XPO5: variants seen among roughly 807,000 people sequenced by gnomAD.
XPO5 encodes the protein exportin-5.
A neutral mutation model predicts 160.6 loss-of-function variants in XPO5; 46 were observed. The observed-to-expected ratio is 0.29, with a 90% CI of 0.23 to 0.37. The LOEUF (loss-of-function observed/expected upper bound fraction) is 0.37, where lower values mean the gene tolerates loss of function less well. Ranked by LOEUF, XPO5 falls within the 10% of genes least tolerant of loss-of-function variation. The pLI, the probability that XPO5 is intolerant of heterozygous loss-of-function variation, is 1.00. For missense variants in XPO5, 1,090 were observed against 1,463.9 expected (o/e 0.74, Z 4.17); for synonymous variants, 537 against 519.3 (o/e 1.03, Z -0.46).
chr6:43,529,035 C>T (rs1793777448), intron 23 of XPO5, 110 bp from the exon 24 acceptor site: 6 of 1,155,200 alleles, frequency 5.2e-6, no homozygotes, highest in Non-Finnish European at 7.4e-6. Context: ...TGCCAGATGT[C>T]AAAAATATCC....
chr6:43,569,296 AAAAAAAAAACAAC>A (rs1344351218), intron 5 of XPO5, among the ~76,000 whole-genome samples: 2 of 151,562 alleles, frequency 1.3e-5, no homozygotes, highest in Non-Finnish European at 2.9e-5. Context: ...CCGTCTCAAA[AAAAAAAAAACAAC>A]AAAAAAAAAT....
At chr6:43,568,459 A>C (rs1018246959) in intron 6 of XPO5, among the ~76,000 whole-genome samples, 11 of 151,004 alleles carry the variant, frequency 7.3e-5, no homozygotes, top group Non-Finnish European at 4.4e-5. Context: ...AGAAAGTATT[A>C]GCTGGGCATG....
intron 1 of XPO5, among the ~76,000 whole-genome samples, chr6:43,574,329 T>C (rs1763177483): frequency 6.6e-6 from 1 of 151,916 alleles, no homozygotes; most frequent in Non-Finnish European, 1.5e-5. Context: ...CTAAGCTATA[T>C]GTTTAAAGTT....
intron 5 of XPO5, among the ~76,000 whole-genome samples, chr6:43,569,290 C>T (rs1762861679): frequency 7.5e-6 from 1 of 134,020 alleles, no homozygotes; most frequent in Admixed American, 7.6e-5. Flanking sequence ...GAAACTCCGT[C>T]TCAAAAAAAA....
In XPO5 at chr6:43,538,534, A is replaced by G. The variant is rs142077528; in HGVS notation, c.2343-4527T>C. Among the ~76,000 whole-genome samples, 620 of 152,316 alleles carry G rather than the reference A, an allele frequency of 4.1e-3. 2 individuals carry two copies. The highest frequency in any genetic ancestry group is 6.2e-3 in the Non-Finnish European group (424 of 68,028). ...AAAGGAAAACATTCGGTGATATTTG[A>G]ATACTGATTGTATACTGGATATTGA... On this transcript the variant is annotated intron_variant, in intron 20 of 31. Coordinates refer to ENST00000265351, the MANE Select transcript of XPO5 (RefSeq NM_020750.3).
chr6:43,525,875 C>T lies in XPO5; in HGVS notation c.3030G>A (p.Glu1010=), dbSNP rs753201564. 1.2e-6 allele frequency: 2 copies of T among 1,614,064 alleles called. No individual in the cohort carries two copies. The highest frequency in any genetic ancestry group is 2.2e-5 in the South Asian group (2 of 91,082). Residue 1010 remains glutamate (E), a synonymous_variant, in exon 28 of 32, where the codon GAG becomes GAA. Coordinates refer to ENST00000265351, the MANE Select transcript of XPO5 (RefSeq NM_020750.3). ...ATEVTPSAMA[E]LTDLGKCLMK... is the part of the protein sequence containing the mutation. ...TCAGACATTTGCCCAGGTCTGTAAG[C>T]TCTGCCATAGCTGAGGGGGTGACCT...
In XPO5 at chr6:43,573,694, G is replaced by A. The variant is rs549591235; in HGVS notation, c.106-93C>T. ...TAAGAAACTCCAACCAGGGCCGGGT[G>A]CGGTGGCTCACACCTGTCCCAGCAC... On this transcript the variant is annotated intron_variant, in intron 1 of 31. Transcript: ENST00000265351. 11 of 1,444,508 alleles carry A rather than the reference G, an allele frequency of 7.6e-6. 1 individual carries two copies. In the East Asian group the frequency reaches 2.7e-4, roughly 35 times the overall value. The allele number at this position is 1,444,508 out of a possible 1,614,324, so 89.5% of individuals were successfully genotyped here. A position where few individuals can be genotyped will look rare whatever the true frequency, so the allele number is the denominator to read the frequency against.
intron 15 of XPO5, chr6:43,550,977 A>G: frequency 5.5e-6 from 1 of 182,554 alleles, no homozygotes; most frequent in Middle Eastern, 2.3e-3. Context: ...GAGTGTTCCT[A>G]AAGAGTGAGG....
At chr6:43,570,759 G>A (rs1762969870) in intron 4 of XPO5, 75 bp from the exon 5 acceptor site, 8 of 1,518,704 alleles carry the variant, frequency 5.3e-6, no homozygotes, top group Non-Finnish European at 5.3e-6. Context: ...GCTATTTTCT[G>A]TTGCCAAAAA....
chr6:43,528,912 C>T lies in XPO5; in HGVS notation c.2691G>A (p.Lys897=), dbSNP rs1416739408. The stretch of plus-strand genomic sequence containing the variant: ...CTGGGGGACAGAAGAGCACCAGAGG[C>T]TTTACAAAGACACGTGCTGCAACAA... ...RLRPMLRVFV[K]PLVLFCPPEH... is the part of the protein sequence containing the mutation. Residue 897 remains lysine (K), a synonymous_variant, in exon 24 of 32, where the codon AAG becomes AAA. Transcript: ENST00000265351. 6.2e-7 allele frequency: 1 copy of T among 1,612,836 alleles called. No individual in the cohort carries two copies. The highest frequency in any genetic ancestry group is 2.2e-5 in the East Asian group (1 of 44,866).
intron 13 of XPO5, among the ~76,000 whole-genome samples, chr6:43,554,167 C>T (rs1350097094): frequency 5.3e-5 from 8 of 152,120 alleles, no homozygotes; most frequent in Admixed American, 1.3e-4. Flanking sequence ...AGGGCAGTGG[C>T]GAGATCTCGG....
chr6:43,565,583 G>T, intron 8 of XPO5, 77 bp downstream of exon 8: 36 of 1,078,662 alleles, frequency 3.3e-5, no homozygotes, highest in Non-Finnish European at 4.1e-5. Flanking sequence ...AAAAAAAAAA[G>T]AACTTCAGAT....
intron 3 of XPO5, 63 bp from the exon 4 acceptor site, chr6:43,571,057 G>A (rs1005342119): frequency 8.4e-6 from 13 of 1,544,616 alleles, no homozygotes; most frequent in Middle Eastern, 1.7e-4. Flanking sequence ...CCAGAAAAAA[G>A]CTGGGCTGTA....
intron 20 of XPO5, chr6:43,539,555 G>C (rs1189005684): frequency 1.4e-6 from 2 of 1,391,690 alleles, no homozygotes; most frequent in Non-Finnish European, 2.0e-6. Flanking sequence ...GCCTCCGCGA[G>C]CTCCGCGGCC....
chr6:43,541,075 A>G (rs1249470893), intron 20 of XPO5, among the ~76,000 whole-genome samples: 1 of 152,008 alleles, frequency 6.6e-6, no homozygotes, highest in African/African-American at 2.4e-5. Flanking sequence ...GGACATACAG[A>G]GTGTAAGGAT....
At chr6:43,575,520 G>A (rs1763266442) in intron 1 of XPO5, among the ~76,000 whole-genome samples, 1 of 152,162 alleles carries the variant, frequency 6.6e-6, no homozygotes, top group East Asian at 1.9e-4. Context: ...GGGAAGCTGC[G>A]GCGAGATGAG....
chr6:43,557,709 T>C lies in XPO5; in HGVS notation c.1312+792A>G, dbSNP rs114195696. Among the ~76,000 whole-genome samples, 1,070 of 128,160 alleles carry C rather than the reference T, an allele frequency of 8.3e-3. 14 individuals are homozygous for C. The highest frequency in any genetic ancestry group is 0.031 in the African/African-American group (1,037 of 33,654). 84.1% of individuals were successfully genotyped at this position (128,160 alleles called of 152,430 possible). ...TGATGGCTGCACAACTCTGTAAAAA[T>C]ACTAAAAACCATTAAATTATATACT... On this transcript the variant is annotated intron_variant, in intron 12 of 31. Transcript: ENST00000265351.
intron 10 of XPO5, among the ~76,000 whole-genome samples, chr6:43,560,711 T>C (rs1332269735): frequency 6.6e-6 from 1 of 152,186 alleles, no homozygotes; most frequent in Non-Finnish European, 1.5e-5. Context: ...AATCAGAATA[T>C]TACCTAAAGG....
intron 21 of XPO5, among the ~76,000 whole-genome samples, chr6:43,533,199 C>T (rs1794095797): frequency 7.0e-6 from 1 of 141,850 alleles, no homozygotes; most frequent in East Asian, 2.1e-4. Context: ...CCTTTAAAAA[C>T]TTTGATACCT....
Sources: allele counts gnomAD v4.1 joint callset (sites outside exome capture counted in the v4.1 genomes callset), GRCh38; gene constraint gnomAD v4.1.1; transcripts MANE v1.5; gene names NCBI Gene and HGNC (gene_info 2026-07-23, HGNC 2026-07-21).